CADM3: variants seen among roughly 807,000 people sequenced by gnomAD.
CADM3 encodes cell adhesion molecule 3, also known as TSLC1-like 1.
Under a neutral mutation model 44.9 loss-of-function variants are expected in CADM3, and 11 were observed. The observed-to-expected ratio is 0.25, with a 90% CI of 0.15 to 0.41. The LOEUF (loss-of-function observed/expected upper bound fraction) is 0.41. Among genes scored for constraint, CADM3 ranks in the 10% least tolerant of loss-of-function variants. The probability of loss-of-function intolerance (pLI) is 1.00; values close to 1 mark genes in which losing one functional copy is unlikely to be tolerated. For missense variants in CADM3, 426 were observed against 512.0 expected (o/e 0.83, Z 1.62); for synonymous variants, 207 against 205.2 (o/e 1.01, Z -0.08).
chr1:159,183,854 T>A (rs1649325986), intron 1 of CADM3, among the ~76,000 whole-genome samples: 2 of 152,146 alleles, frequency 1.3e-5, no homozygotes, highest in Non-Finnish European at 2.9e-5. Context: ...TATTTTGACA[T>A]TCAGGCAAAG....
Position 159,186,605 on chromosome 1 carries a change from T to C in CADM3, c.89-5331T>C, listed in dbSNP as rs112804777. Among the ~76,000 whole-genome samples, 504 of 152,348 alleles carry C rather than the reference T, an allele frequency of 3.3e-3. 5 individuals are homozygous for C. The highest frequency in any genetic ancestry group is 3.4e-3 in the Middle Eastern group (1 of 294). On this transcript the variant is annotated intron_variant, in intron 1 of 8. Transcript: ENST00000368125. ...TACAAGTCTTTCACAACCCAGGTTA[T>C]AATTTCTGCTACTTATCCATGTTTC... is the stretch of plus-strand genomic sequence containing the variant.
chr1:159,175,134 GTTTGGCAGATCAAC>G (rs1183225131), intron 1 of CADM3, among the ~76,000 whole-genome samples: 2 of 152,206 alleles, frequency 1.3e-5, no homozygotes, highest in Non-Finnish European at 1.5e-5. Context: ...CCACAGATCT[GTTTGGCAGATCAAC>G]TCCATCCAGT....
chr1:159,200,683 AGCTATTG>A, intron 8 of CADM3, 114 bp from the exon 9 acceptor site: 5 of 651,342 alleles, frequency 7.7e-6, no homozygotes, highest in Non-Finnish European at 1.3e-5. Context: ...AGTAGAAGAG[AGCTATTG>A]GCAAGAGAAA....
chr1:159,174,595 A>G (rs1469824738), intron 1 of CADM3, among the ~76,000 whole-genome samples: 2 of 152,228 alleles, frequency 1.3e-5, no homozygotes, highest in South Asian at 4.1e-4. Flanking sequence ...TCCCTGGAGC[A>G]CAGCATAAAT....
intron 1 of CADM3, among the ~76,000 whole-genome samples, chr1:159,179,890 T>G (rs907253697): frequency 6.6e-6 from 1 of 151,090 alleles, no homozygotes; most frequent in Non-Finnish European, 1.5e-5. Flanking sequence ...AAGGATGAGA[T>G]CTTTCCAAAT....
chr1:159,193,494 T>G lies in CADM3; in HGVS notation c.454T>G (p.Cys152Gly). The stretch of plus-strand genomic sequence containing the variant: ...GGAAAAAGACACAGCCACCCTAAAC[T>G]GTCAGTCTTCTGGGAGCAAGCCTGC... ...LREKDTATLNCQSSGSKPAAR... is the reference protein window; with the variant it reads ...LREKDTATLNGQSSGSKPAAR... Residue 152 changes from cysteine to glycine, a missense_variant, in exon 4 of 9, where the codon TGT becomes GGT. By Grantham distance (159) the Cys-to-Gly change is radical. Coordinates refer to ENST00000368125, the MANE Select transcript of CADM3 (RefSeq NM_001127173.3). 1 of 1,614,008 alleles carries G rather than the reference T, an allele frequency of 6.2e-7. No homozygotes were observed. Among genetic ancestry groups the G allele is most frequent in the Non-Finnish European group, 8.5e-7 (1 of 1,179,942 alleles).
Position 159,199,852 on chromosome 1 carries a change from G to A in CADM3, c.1054G>A (p.Gly352Ser), listed in dbSNP as rs3027002. The A allele has an allele frequency of 3.1e-6, 5 of 1,613,686 alleles. No homozygotes were observed. Among genetic ancestry groups the A allele is most frequent in the Non-Finnish European group, 3.4e-6 (4 of 1,179,960 alleles). Residue 352 changes from glycine (G) to serine (S), a missense_variant, in exon 8 of 9, where the codon GGC becomes AGC. Physicochemically the swap from Gly to Ser is moderately conservative, Grantham distance 56. Coordinates refer to ENST00000368125, the MANE Select transcript of CADM3 (RefSeq NM_001127173.3). ...GCTGCTCATCATGCTCATCTTCCTT[G>A]GCCACTACTTGATCCGGCACAAAGG... ...FLLLIMLIFL[G>S]HYLIRHKGTY...
intron 1 of CADM3, among the ~76,000 whole-genome samples, chr1:159,186,158 G>A (rs1001074264): frequency 5.9e-5 from 9 of 152,134 alleles, no homozygotes; most frequent in African/African-American, 1.9e-4. Flanking sequence ...AAAACAAAGC[G>A]TTCATAGAGA....
chr1:159,185,942 G>T (rs921118397), intron 1 of CADM3, among the ~76,000 whole-genome samples: 1 of 152,162 alleles, frequency 6.6e-6, no homozygotes, highest in Non-Finnish European at 1.5e-5. Context: ...GTACAAAGTA[G>T]AAAGAAATGC....
intron 1 of CADM3, among the ~76,000 whole-genome samples, chr1:159,182,982 A>G (rs1252385037): frequency 6.6e-6 from 1 of 152,230 alleles, no homozygotes; most frequent in Admixed American, 6.5e-5. Context: ...CAGGCAAGCT[A>G]GCTAACTATC....
At chr1:159,200,231 T>A (rs886230909) in intron 8 of CADM3, among the ~76,000 whole-genome samples, 19 of 152,208 alleles carry the variant, frequency 1.2e-4, no homozygotes, top group Admixed American at 5.9e-4. Flanking sequence ...TCTTCCTTTC[T>A]GTCTGTTTAA....
At chr1:159,189,497 C>T (rs1199982099) in intron 1 of CADM3, among the ~76,000 whole-genome samples, 1 of 152,196 alleles carries the variant, frequency 6.6e-6, no homozygotes, top group Non-Finnish European at 1.5e-5. Context: ...ACTGGATGAA[C>T]TCTTAAGATC....
rs372702425 is a variant in CADM3, at chr1:159,192,095, T to C, written c.229+19T>C. ...AAGAGAGGTAGTATCTCATGAGTTA[T>C]CTTTCTCCGTGAAAACCATGGGCTA... On this transcript the variant is annotated intron_variant, in intron 2 of 8. Coordinates refer to ENST00000368125, the MANE Select transcript of CADM3 (RefSeq NM_001127173.3). 150 of 1,612,714 alleles carry C rather than the reference T, an allele frequency of 9.3e-5. 2 individuals are homozygous for C. In the Middle Eastern group the frequency reaches 4.0e-3, roughly 43 times the overall value.
At chr1:159,186,208 G>A (rs1649410434) in intron 1 of CADM3, among the ~76,000 whole-genome samples, 1 of 152,206 alleles carries the variant, frequency 6.6e-6, no homozygotes, top group Non-Finnish European at 1.5e-5. Flanking sequence ...TGCAGGGTGA[G>A]TGGAGTAGAG....
Position 159,193,859 on chromosome 1 carries a change from C to T in CADM3, c.521-11C>T. ...TGTGTTTGTGTGTGTGCCACTGTTT[C>T]TGCACTCTAGGAGAACCAACCCGCA... is the stretch of plus-strand genomic sequence containing the variant. On this transcript the variant is annotated splice_polypyrimidine_tract_variant and intron_variant, in intron 4 of 8. Transcript: ENST00000368125. The T allele has an allele frequency of 6.2e-7, 1 of 1,611,692 alleles. No individual in the cohort carries two copies. Among genetic ancestry groups the T allele is most frequent in the Non-Finnish European group, 8.5e-7 (1 of 1,178,610 alleles).
chr1:159,174,726 G>A (rs575937201), intron 1 of CADM3, among the ~76,000 whole-genome samples: 2 of 152,286 alleles, frequency 1.3e-5, no homozygotes, highest in Non-Finnish European at 1.5e-5. Context: ...TGTCCCATCT[G>A]CCCTTCCTTC....
At chr1:159,191,572 T>C (rs1161289739) in intron 1 of CADM3, among the ~76,000 whole-genome samples, 1 of 152,232 alleles carries the variant, frequency 6.6e-6, no homozygotes, top group Non-Finnish European at 1.5e-5. Context: ...AACAGATATG[T>C]CTGTGTGTTT....
intron 1 of CADM3, among the ~76,000 whole-genome samples, chr1:159,188,538 G>C (rs1374094311): frequency 6.6e-6 from 1 of 151,924 alleles, no homozygotes; most frequent in Non-Finnish European, 1.5e-5. Context: ...AGTCGCGCTG[G>C]GACGACTGGC....
chr1:159,179,534 C>G (rs1649148597), intron 1 of CADM3, among the ~76,000 whole-genome samples: 1 of 152,188 alleles, frequency 6.6e-6, no homozygotes, highest in Non-Finnish European at 1.5e-5. Context: ...TCATTTCTCC[C>G]CTTTCTTCAT....
Sources: gnomAD v4.1 joint callset for allele counts (sites outside exome capture counted in the v4.1 genomes callset) on GRCh38, gnomAD v4.1.1 for gene constraint, MANE v1.5 for transcripts, NCBI Gene and HGNC (gene_info 2026-07-23, HGNC 2026-07-21) for gene names.